Variants in OAS1 observed in about 807,000 individuals in gnomAD.
OAS1 encodes the protein 2'-5'-oligoadenylate synthetase 1.
A neutral mutation model predicts 38.5 loss-of-function variants in OAS1; 24 were observed. The ratio of observed to expected loss-of-function variants is 0.62; its 90% confidence interval spans 0.45 to 0.88. The LOEUF is 0.88. OAS1 is among the 40% of genes least tolerant of loss of function. The pLI is 0.00. For missense variants in OAS1, 482 were observed against 493.9 expected, an observed-to-expected ratio of 0.98 and a Z score of 0.23; for synonymous variants, 169 against 193.9, an observed-to-expected ratio of 0.87 and a Z score of 1.07.
At position 112,931,874 on chromosome 12, in the gene OAS1, T is replaced by G. The variant is rs2043599224; in HGVS notation, c.1168-4T>G. 6 of 697,024 alleles carry G rather than the reference T, an allele frequency of 8.6e-6. No homozygotes were observed. In the East Asian group the frequency reaches 1.6e-4, roughly 19 times the overall value. The allele number at this position is 697,024 out of a possible 1,614,324, so 43.2% of individuals were successfully genotyped here. A position where few individuals can be genotyped will look rare whatever the true frequency, so the allele number is the denominator to read the frequency against. On this transcript the variant is annotated splice_region_variant and splice_polypyrimidine_tract_variant and intron_variant, in intron 6 of 6. Coordinates refer to the OAS1 transcript ENST00000540589. ...GTGACACACACTCCTTTCTTCATTT[T>G]CAGGTAAACCTCACACTGGTTGGCA...
rs983008461 is a variant in OAS1 at position 112,932,073 on chromosome 12, C to T, written c.*151C>T. 1.3e-5 allele frequency: 8 copies of T among 600,460 alleles called. No homozygotes were observed. The African/African-American group carries it at 1.5e-4, about 12-fold the overall frequency. 37.2% of individuals were successfully genotyped at this position (600,460 alleles called of 1,614,324 possible). On this transcript the variant is annotated 3_prime_UTR_variant, in exon 7 of 7. Transcript: ENST00000540589. ...AATTGCAACCCAACCTCTCTCTCTA[C>T]TTAAAATTAGCATCTATTTCCAGCT...
At chr12:112,918,684 C>G (rs1373135973) in intron 5 of OAS1, 2 of 455,700 alleles carry the variant, frequency 4.4e-6, no homozygotes, top group African/African-American at 2.0e-5. Flanking sequence ...TCAGTGGACT[C>G]TAAAGCCAGT....
At chr12:112,916,256 C>G (rs1357601040) in intron 3 of OAS1, among the ~76,000 whole-genome samples, 1 of 152,164 alleles carries the variant, frequency 6.6e-6, no homozygotes, top group Admixed American at 6.5e-5. Flanking sequence ...GGCCAGTACA[C>G]TTTTTTAAAA....
chr12:112,908,219 A>G (rs1250141659), intron 1 of OAS1, among the ~76,000 whole-genome samples: 1 of 152,174 alleles, frequency 6.6e-6, no homozygotes. Flanking sequence ...AGTCCTGGGC[A>G]TCGTAAAGGA....
intron 3 of OAS1, among the ~76,000 whole-genome samples, chr12:112,915,468 A>T (rs1051926314): frequency 6.6e-6 from 1 of 152,106 alleles, no homozygotes; most frequent in African/African-American, 2.4e-5. Context: ...ATTCTGTTCC[A>T]TTTGTCTACG....
Position 112,919,718 on chromosome 12 carries a change from C to G in OAS1, c.*165C>G. 2 of 1,512,122 alleles carry G rather than the reference C, an allele frequency of 1.3e-6. No homozygotes were observed. Among genetic ancestry groups the G allele is most frequent in the Non-Finnish European group, 1.8e-6 (2 of 1,126,536 alleles). 93.7% of individuals were successfully genotyped at this position (1,512,122 alleles called of 1,614,324 possible). On this transcript the variant is annotated 3_prime_UTR_variant, in exon 6 of 6. Coordinates refer to ENST00000202917, the MANE Select transcript of OAS1 (RefSeq NM_016816.4). ...ACTCCTGGCCTTCTATGCCCTCTAT[C>G]CTATCATAGATAACATTCTCCACAG...
At chr12:112,932,040 A>T in exon 7 of OAS1, 1 of 649,588 alleles carries the variant, frequency 1.5e-6, no homozygotes. Context: ...CAGACGTCTC[A>T]TAAAATTAAT....
chr12:112,918,386 T>TAAA, intron 5 of OAS1: 2 of 267,604 alleles, frequency 7.5e-6, no homozygotes, highest in Non-Finnish European at 1.5e-5. Context: ...TTTATCCAGT[T>TAAA]CACACTGATG....
chr12:112,932,131 A>ACTCC (rs1179968246), exon 7 of OAS1: 2 of 498,350 alleles, frequency 4.0e-6, no homozygotes, highest in African/African-American at 4.0e-5. Flanking sequence ...ATACATGTGA[A>ACTCC]CTCCCTCCCT....
downstream of OAS1, chr12:112,932,608 A>G (rs544005260): frequency 6.6e-6 from 1 of 152,564 alleles, no homozygotes; most frequent in South Asian, 2.1e-4. Context: ...AACAAAAACA[A>G]ACAAGCAAAA....
intron 6 of OAS1, among the ~76,000 whole-genome samples, chr12:112,925,686 T>C (rs989435397): frequency 5.9e-5 from 9 of 152,154 alleles, no homozygotes; most frequent in Non-Finnish European, 1.2e-4. Flanking sequence ...CTCAGGAGGC[T>C]GAGGAGGAAG....
At chr12:112,914,730 GTTTT>G (rs60578734) in intron 3 of OAS1, among the ~76,000 whole-genome samples, 62 of 118,494 alleles carry the variant, frequency 5.2e-4, no homozygotes, top group African/African-American at 1.7e-3. Flanking sequence ...GTTGGTATTT[GTTTT>G]TTTTTTTTTT....
Position 112,916,750 on chromosome 12 carries a change from C to T in OAS1, c.884+12C>T, listed in dbSNP as rs1198856260. ...CTCACGAAACCCAGGTATGCTATCCCCACATGGCTTAGCTCCCCTATGTAA... is the reference window on the plus strand; with the variant it reads ...CTCACGAAACCCAGGTATGCTATCCTCACATGGCTTAGCTCCCCTATGTAA... On this transcript the variant is annotated intron_variant, in intron 4 of 5. Transcript: ENST00000202917. 6.3e-7 allele frequency: 1 copy of T among 1,593,092 alleles called. No individual in the cohort carries two copies. The highest frequency in any genetic ancestry group is 8.6e-7 in the Non-Finnish European group (1 of 1,161,020).
chr12:112,923,464 G>A (rs751136579), downstream of OAS1, among the ~76,000 whole-genome samples: 4 of 152,208 alleles, frequency 2.6e-5, no homozygotes, highest in Non-Finnish European at 5.9e-5. Context: ...CTGATAATTA[G>A]TGATATTGAG....
intron 2 of OAS1, among the ~76,000 whole-genome samples, chr12:112,909,762 A>G (rs1028922926): frequency 6.6e-6 from 1 of 152,236 alleles, no homozygotes; most frequent in Non-Finnish European, 1.5e-5. Context: ...GGGACACGGA[A>G]TAGTTTAGAT....
chr12:112,916,950 TGAGTAAAC>T, intron 4 of OAS1: 1 of 543,030 alleles, frequency 1.8e-6, no homozygotes, highest in South Asian at 2.2e-5. Flanking sequence ...ATTTTACAGG[TGAGTAAAC>T]TGAGGTTCTG....
At chr12:112,910,567 G>T (rs922777047) in intron 2 of OAS1, among the ~76,000 whole-genome samples, 1 of 152,056 alleles carries the variant, frequency 6.6e-6, no homozygotes, top group African/African-American at 2.4e-5. Context: ...GGAATGGCAA[G>T]TGCAGAGGCC....
downstream of OAS1, among the ~76,000 whole-genome samples, chr12:112,924,741 T>C (rs971006415): frequency 6.6e-6 from 1 of 152,226 alleles, no homozygotes; most frequent in African/African-American, 2.4e-5. Context: ...GTGATCTTTA[T>C]ACTTTTCTAA....
At chr12:112,913,785 T>A (rs1198493594) in intron 3 of OAS1, among the ~76,000 whole-genome samples, 4 of 152,198 alleles carry the variant, frequency 2.6e-5, no homozygotes, top group African/African-American at 7.2e-5. Context: ...ATTTTATTTT[T>A]AATTTTTATT....
Sources: allele counts gnomAD v4.1 joint callset (sites outside exome capture counted in the v4.1 genomes callset), GRCh38; gene constraint gnomAD v4.1.1; transcripts MANE v1.5; gene names NCBI Gene and HGNC (gene_info 2026-07-23, HGNC 2026-07-21).